DIP2C: variants seen among roughly 807,000 people sequenced by gnomAD.
DIP2C encodes the protein DIP2 acetate--CoA ligase C (putative), also known as disco-interacting protein 2 homolog C.
A neutral mutation model predicts 192.4 loss-of-function variants in DIP2C; 33 were observed. The ratio of observed to expected loss-of-function variants is 0.17; its 90% confidence interval spans 0.13 to 0.23. The LOEUF (loss-of-function observed/expected upper bound fraction) is 0.23. DIP2C is among the 10% of genes least tolerant of loss of function. The pLI, the probability that DIP2C is intolerant of heterozygous loss-of-function variation, is 1.00. For missense variants in DIP2C, 1,537 were observed against 2,110.1 expected, an observed-to-expected ratio of 0.73 and a Z score of 5.32; for synonymous variants, 979 against 864.1, an observed-to-expected ratio of 1.13 and a Z score of -2.33.
chr10:347,301 C>T (rs1958526574), intron 26 of DIP2C, among the ~76,000 whole-genome samples: 1 of 118,554 alleles, frequency 8.4e-6, no homozygotes, highest in Non-Finnish European at 1.7e-5. Context: ...GAACCCCACA[C>T]TCACCCAACC....
intron 2 of DIP2C, among the ~76,000 whole-genome samples, chr10:472,895 T>TA (rs1237383514): frequency 6.6e-5 from 10 of 152,232 alleles, no homozygotes; most frequent in Non-Finnish European, 1.2e-4. Context: ...TTATGACCTT[T>TA]TAATGTAATA....
chr10:387,505 G>A lies in DIP2C; in HGVS notation c.1662+240C>T, dbSNP rs541547695. Among the ~76,000 whole-genome samples, 8 of 126,638 alleles carry A rather than the reference G, an allele frequency of 6.3e-5. No individual in the cohort carries two copies. The East Asian group carries it at 2.2e-3, about 35-fold the overall frequency. 83.1% of individuals were successfully genotyped at this position (126,638 alleles called of 152,430 possible). On this transcript the variant is annotated intron_variant, in intron 14 of 36. Transcript: ENST00000280886. ...CAGGCAGTGCGGGCGGCGGGGGGGC[G>A]ACTCCTGTGTGGACAGACAGTGAGG...
intron 1 of DIP2C, among the ~76,000 whole-genome samples, chr10:552,258 ATAATC>A (rs900967230): frequency 3.9e-5 from 6 of 152,236 alleles, no homozygotes; most frequent in Non-Finnish European, 7.3e-5. Context: ...GACATTTTCT[ATAATC>A]TATCATATCA....
chr10:349,591 C>A, intron 24 of DIP2C, 137 bp from the exon 25 acceptor site: 5 of 1,178,918 alleles, frequency 4.2e-6, no homozygotes, highest in East Asian at 5.1e-5. Flanking sequence ...CCTGTGCAAC[C>A]AACATGACAG....
At chr10:536,383 G>T (rs1001356612) in intron 1 of DIP2C, among the ~76,000 whole-genome samples, 1 of 151,144 alleles carries the variant, frequency 6.6e-6, no homozygotes, top group Admixed American at 7.0e-5. Flanking sequence ...CACAGTCCCG[G>T]GGGCTAGAGT....
At chr10:367,408 C>A (rs143487820) in intron 18 of DIP2C, among the ~76,000 whole-genome samples, 14 of 149,954 alleles carry the variant, frequency 9.3e-5, no homozygotes, top group Non-Finnish European at 1.5e-5. Context: ...CAGCGAGACT[C>A]CGTCTCAGAA....
intron 22 of DIP2C, among the ~76,000 whole-genome samples, chr10:360,344 T>A (rs2132708025): frequency 6.6e-6 from 1 of 152,282 alleles, no homozygotes; most frequent in South Asian, 2.1e-4. Context: ...CCAGGGTATA[T>A]CACAGCCTCG....
chr10:517,627 G>C (rs1197762706), intron 1 of DIP2C, among the ~76,000 whole-genome samples: 2 of 152,304 alleles, frequency 1.3e-5, no homozygotes, highest in Middle Eastern at 3.4e-3. Context: ...CCTTCCAAGT[G>C]AATTTTGGAA....
At chr10:385,770 T>C (rs921680748) in intron 14 of DIP2C, among the ~76,000 whole-genome samples, 3 of 152,052 alleles carry the variant, frequency 2.0e-5, no homozygotes, top group Admixed American at 6.5e-5. Context: ...CGGGCTAGGA[T>C]TCTTGCAGTC....
chr10:303,212 T>C (rs569904151), intron 32 of DIP2C, among the ~76,000 whole-genome samples: 1 of 152,114 alleles, frequency 6.6e-6, no homozygotes, highest in African/African-American at 2.4e-5. Flanking sequence ...CGTGCGGCTG[T>C]AGACTTTGTA....
At chr10:354,864 G>A (rs950478455) in intron 24 of DIP2C, among the ~76,000 whole-genome samples, 7 of 151,894 alleles carry the variant, frequency 4.6e-5, no homozygotes, top group African/African-American at 1.7e-4. Context: ...AGAGGAACGA[G>A]AAGTCACAGG....
At chr10:355,591 G>A (rs1309760787) in intron 24 of DIP2C, among the ~76,000 whole-genome samples, 1 of 152,156 alleles carries the variant, frequency 6.6e-6, no homozygotes, top group Non-Finnish European at 1.5e-5. Context: ...AGCATATTAA[G>A]ATTTTTGCAT....
At chr10:294,618 G>GA (rs1050045006) in intron 32 of DIP2C, among the ~76,000 whole-genome samples, 2 of 150,906 alleles carry the variant, frequency 1.3e-5, no homozygotes, top group Admixed American at 6.6e-5. Flanking sequence ...AAAAAGAGAA[G>GA]AAAAAAATGC....
chr10:593,733 C>T (rs1328431347), intron 1 of DIP2C, among the ~76,000 whole-genome samples: 5 of 152,142 alleles, frequency 3.3e-5, no homozygotes, highest in African/African-American at 7.2e-5. Flanking sequence ...GAAATAAAAC[C>T]GACATGCACT....
intron 1 of DIP2C, among the ~76,000 whole-genome samples, chr10:522,523 G>A (rs1846777696): frequency 6.6e-6 from 1 of 152,260 alleles, no homozygotes; most frequent in African/African-American, 2.4e-5. Flanking sequence ...CCAGCCACAA[G>A]TGAGGGTCCT....
At chr10:283,088 T>C (rs2132145798) in intron 35 of DIP2C, among the ~76,000 whole-genome samples, 184 bp downstream of exon 35, 1 of 152,368 alleles carries the variant, frequency 6.6e-6, no homozygotes, top group Non-Finnish European at 1.5e-5. Flanking sequence ...CTCAGCTTGT[T>C]GGACACATTT....
chr10:619,197 T>C (rs1445738905), intron 1 of DIP2C, among the ~76,000 whole-genome samples: 2 of 152,164 alleles, frequency 1.3e-5, no homozygotes, highest in Non-Finnish European at 2.9e-5. Flanking sequence ...CCTGGACAAG[T>C]CACATTTCAA....
chr10:675,659 T>C (rs1830849965), intron 1 of DIP2C, among the ~76,000 whole-genome samples: 1 of 151,750 alleles, frequency 6.6e-6, no homozygotes, highest in African/African-American at 2.4e-5. Flanking sequence ...GTCAACAGAG[T>C]GGAAAACCTA....
At chr10:365,206 G>A (rs1417237563) in intron 19 of DIP2C, among the ~76,000 whole-genome samples, 1 of 152,150 alleles carries the variant, frequency 6.6e-6, no homozygotes, top group Admixed American at 6.5e-5. Flanking sequence ...TCATAGACAG[G>A]TACTGTAACA....
Sources: gnomAD v4.1 joint callset for allele counts (sites outside exome capture counted in the v4.1 genomes callset) on GRCh38, gnomAD v4.1.1 for gene constraint, MANE v1.5 for transcripts, NCBI Gene and HGNC (gene_info 2026-07-23, HGNC 2026-07-21) for gene names.